KCTD19: variants seen among roughly 807,000 people sequenced by gnomAD.
KCTD19 encodes potassium channel tetramerization domain containing 19.
In KCTD19, 67 loss-of-function variants were observed where a neutral mutation model predicts 103.5. The observed-to-expected ratio is 0.65, with a 90% confidence interval of 0.53 to 0.79. The LOEUF is 0.79. Ranked by LOEUF, KCTD19 falls within the 30% of genes least tolerant of loss-of-function variation. KCTD19 has a pLI of 0.00. For synonymous variants in KCTD19, 439 were observed against 452.2 expected (o/e 0.97, Z 0.37); for missense variants, 980 against 1,136.1 (o/e 0.86, Z 1.98).
At chr16:67,312,614 A>C (rs1016798196) in intron 2 of KCTD19, among the ~76,000 whole-genome samples, 7 of 151,878 alleles carry the variant, frequency 4.6e-5, no homozygotes, top group African/African-American at 7.3e-5. Context: ...TGTCTCTCAA[A>C]CTCAACATGT....
At chr16:67,314,169 C>A (rs1169606395) in intron 2 of KCTD19, among the ~76,000 whole-genome samples, 3 of 148,406 alleles carry the variant, frequency 2.0e-5, no homozygotes, top group African/African-American at 5.0e-5. Context: ...TCTCTCCCTC[C>A]CTCCCTCCTC....
intron 5 of KCTD19, 103 bp downstream of exon 5, chr16:67,301,688 A>T (rs1416199814): frequency 9.1e-7 from 1 of 1,096,644 alleles, no homozygotes; most frequent in African/African-American, 1.6e-5. Context: ...TCCTCTCACT[A>T]ACCCCCAAAG....
intron 6 of KCTD19, 32 bp downstream of exon 6, chr16:67,299,331 T>TG: frequency 6.3e-7 from 1 of 1,598,896 alleles, no homozygotes; most frequent in Non-Finnish European, 8.6e-7. Flanking sequence ...CCAAGGGTGA[T>TG]GGGACTCAGT....
At chr16:67,315,867 G>T (rs2037008127) in intron 2 of KCTD19, among the ~76,000 whole-genome samples, 1 of 151,942 alleles carries the variant, frequency 6.6e-6, no homozygotes, top group South Asian at 2.1e-4. Flanking sequence ...ACCCACCTCG[G>T]ACTCCCAAAG....
At chr16:67,296,456 G>A (rs956246387) in intron 7 of KCTD19, among the ~76,000 whole-genome samples, 197 bp from the exon 8 acceptor site, 1 of 152,170 alleles carries the variant, frequency 6.6e-6, no homozygotes, top group Admixed American at 6.5e-5. Context: ...GGTGAGGCGG[G>A]AAAGGGCACT....
chr16:67,291,682 T>C lies in KCTD19; in HGVS notation c.2374A>G (p.Arg792Gly). 1 of 1,614,054 alleles carries C rather than the reference T, an allele frequency of 6.2e-7. No homozygotes were observed. Among genetic ancestry groups the C allele is most frequent in the Non-Finnish European group, 8.5e-7 (1 of 1,179,992 alleles). Residue 792 changes from arginine to glycine, a missense_variant, in exon 13 of 16, where the codon AGG (arginine) becomes GGG (glycine). By Grantham distance (125) the Arg-to-Gly change is moderately radical. Transcript: ENST00000304372. ...IIYTTEMDNL[R>G]HTTPTASPQP... Reference sequence around the variant, plus strand: ...GGACTGGCTGTGGGTGTTGTGTGCCTGAGGTTGTCCATCTCCGTGGTATAG... The same window carrying C: ...GGACTGGCTGTGGGTGTTGTGTGCCCGAGGTTGTCCATCTCCGTGGTATAG...
chr16:67,294,526 C>A (rs1355520808), intron 11 of KCTD19, 54 bp downstream of exon 11: 1 of 1,263,488 alleles, frequency 7.9e-7, no homozygotes, highest in Non-Finnish European at 1.2e-6. Context: ...CCACCCTGAG[C>A]CCGGTGGTAG....
chr16:67,308,215 T>C (rs2036914212), intron 2 of KCTD19, among the ~76,000 whole-genome samples: 1 of 149,310 alleles, frequency 6.7e-6, no homozygotes, highest in South Asian at 2.1e-4. Context: ...CAAGCTGGAG[T>C]GCAGTCGTAC....
chr16:67,294,157 C>T lies in KCTD19; in HGVS notation c.1605G>A (p.Met535Ile). The T allele has an allele frequency of 6.2e-7, 1 of 1,602,590 alleles. No individual in the cohort carries two copies. Among genetic ancestry groups the T allele is most frequent in the Non-Finnish European group, 8.5e-7 (1 of 1,170,442 alleles). The change falls in exon 12 of 16, where the codon ATG becomes ATA. Residue 535 changes from methionine to isoleucine, a missense_variant. By Grantham distance (10) the Met-to-Ile change is conservative. Coordinates refer to ENST00000304372, the MANE Select transcript of KCTD19 (RefSeq NM_001100915.3). ...SRDTKETTAY[M>I]PVDFEDCSDR... ...CACTGCAGTCTTCGAAGTCCACAGG[C>T]ATGTAGGCTGTGGTCTGGGGAGGGA...
chr16:67,316,801 T>C (rs1031257386), intron 2 of KCTD19, among the ~76,000 whole-genome samples: 3 of 151,876 alleles, frequency 2.0e-5, no homozygotes, highest in Admixed American at 6.6e-5. Context: ...AGTGTATCCT[T>C]TGGAGGCCAC....
intron 2 of KCTD19, among the ~76,000 whole-genome samples, chr16:67,308,471 A>G (rs188316793): frequency 6.6e-6 from 1 of 151,730 alleles, no homozygotes; most frequent in African/African-American, 2.4e-5. Flanking sequence ...AGCCTAAATT[A>G]CCTTTCCAGC....
intron 7 of KCTD19, 149 bp downstream of exon 7, chr16:67,297,354 T>A: frequency 1.3e-6 from 1 of 750,620 alleles, no homozygotes; most frequent in South Asian, 1.8e-5. Context: ...AATATGAAAG[T>A]TTCCCTTTTG....
chr16:67,310,121 C>T (rs533509236), intron 2 of KCTD19, among the ~76,000 whole-genome samples: 1 of 152,302 alleles, frequency 6.6e-6, no homozygotes, highest in South Asian at 2.1e-4. Flanking sequence ...AAATACAAGT[C>T]CTCTACTCAC....
intron 2 of KCTD19, among the ~76,000 whole-genome samples, chr16:67,307,608 G>A (rs1454910810): frequency 1.3e-5 from 2 of 152,098 alleles, no homozygotes; most frequent in Admixed American, 6.5e-5. Flanking sequence ...GAGCCACCAC[G>A]CCTGGCCGAC....
At position 67,291,827 on chromosome 16, in the gene KCTD19, G is replaced by T. The variant is rs765489440; in HGVS notation, c.2229C>A (p.Ala743=). The T allele has an allele frequency of 2.3e-5, 36 of 1,596,098 alleles. No individual in the cohort carries two copies. Among genetic ancestry groups the T allele is most frequent in the Non-Finnish European group, 2.9e-5 (34 of 1,170,006 alleles). The change falls in exon 13 of 16, where the codon GCC becomes GCA. Residue 743 remains alanine, a synonymous_variant. Transcript: ENST00000304372. ...KQRTKERESP[A]PEQPLPEASE... is the part of the protein sequence containing the mutation. ...TGGCCTCGGGCAGAGGCTGCTCAGGGGCAGGGCTTTCTGTGAAAACAACAT... is the reference window on the plus strand; with the variant it reads ...TGGCCTCGGGCAGAGGCTGCTCAGGTGCAGGGCTTTCTGTGAAAACAACAT...
At position 67,325,199 on chromosome 16, in the gene KCTD19, C is replaced by CTTTTTTTTTTTTTTTTTTTTTTT. The variant is rs918808425; in HGVS notation, c.3+1505_3+1506insAAAAAAAAAAAAAAAAAAAAAAA. Among the ~76,000 whole-genome samples the CTTTTTTTTTTTTTTTTTTTTTTT allele has an allele frequency of 1.3e-4, 17 of 132,326 alleles. 1 individual carries two copies. The highest frequency in any genetic ancestry group is 4.8e-4 in the African/African-American group (14 of 29,092). The allele number at this position is 132,326 out of a possible 152,430, so 86.8% of individuals were successfully genotyped here. ...CTTTCTTTCTTTTTTTTCTTTTTTT[C>CTTTTTTTTTTTTTTTTTTTTTTT]TTTTTTTCTTTTTTTTTTTTTTTGA... On this transcript the variant is annotated intron_variant, in intron 1 of 15. Transcript: ENST00000304372.
At chr16:67,316,198 T>C (rs1412780330) in intron 2 of KCTD19, among the ~76,000 whole-genome samples, 2 of 152,042 alleles carry the variant, frequency 1.3e-5, no homozygotes, top group African/African-American at 2.4e-5. Context: ...TGCACCATCA[T>C]GTCTGGCTAA....
At chr16:67,290,586 A>G (rs1597391039) in intron 15 of KCTD19, among the ~76,000 whole-genome samples, 1 of 152,214 alleles carries the variant, frequency 6.6e-6, no homozygotes, top group African/African-American at 2.4e-5. Context: ...TCACTCCCAT[A>G]TGAGTCAAAG....
At position 67,291,341 on chromosome 16, in the gene KCTD19, C is replaced by T. The variant is rs1457498241; in HGVS notation, c.2533G>A (p.Ala845Thr). Residue 845 changes from alanine to threonine, a missense_variant, in exon 14 of 16, where the codon GCC (alanine) becomes ACC (threonine). Physicochemically the swap from Ala to Thr is moderately conservative, Grantham distance 58 (BLOSUM62 0). Transcript: ENST00000304372. Reference sequence around the variant, plus strand: ...CGATTGGCCAGGGAGACCACCTTGGCTGTGATGGCTTTGGGGTCCTTTTGC... The same window carrying T: ...CGATTGGCCAGGGAGACCACCTTGGTTGTGATGGCTTTGGGGTCCTTTTGC... Reference protein sequence around the residue: ...IRQKDPKAITAKVVSLANRLW... With the variant: ...IRQKDPKAITTKVVSLANRLW... 3 of 1,613,898 alleles carry T rather than the reference C, an allele frequency of 1.9e-6. No homozygotes were observed. The African/African-American group carries it at 4.0e-5, about 22-fold the overall frequency.
Sources: gnomAD v4.1 joint callset for allele counts (sites outside exome capture counted in the v4.1 genomes callset) on GRCh38, gnomAD v4.1.1 for gene constraint, MANE v1.5 for transcripts, NCBI Gene and HGNC (gene_info 2026-07-23, HGNC 2026-07-21) for gene names.